MYT1L: variants seen among roughly 807,000 people sequenced by gnomAD.
MYT1L encodes the protein myelin transcription factor 1-like protein.
Under a neutral mutation model 126.7 loss-of-function variants are expected in MYT1L, and 12 were observed. The observed-to-expected ratio is 0.09, with a 90% CI of 0.06 to 0.15. The LOEUF (loss-of-function observed/expected upper bound fraction) is 0.15, where lower values mean the gene tolerates loss of function less well. Ranked by LOEUF, MYT1L falls within the 10% of genes least tolerant of loss-of-function variation. The pLI is 1.00. For synonymous variants in MYT1L, 541 were observed against 604.2 expected, an observed-to-expected ratio of 0.90 and a Z score of 1.53; for missense variants, 979 against 1,585.2, an observed-to-expected ratio of 0.62 and a Z score of 6.49.
chr2:2,099,948 A>G (rs1233676148), intron 3 of MYT1L, among the ~76,000 whole-genome samples: 1 of 152,182 alleles, frequency 6.6e-6, no homozygotes, highest in Non-Finnish European at 1.5e-5. Context: ...TGACAGAGAG[A>G]GCAGAATCTG....
chr2:2,211,381 C>T (rs1175867993), intron 2 of MYT1L, among the ~76,000 whole-genome samples: 3 of 152,028 alleles, frequency 2.0e-5, no homozygotes, highest in African/African-American at 4.8e-5. Context: ...ATTAATTTTG[C>T]TTTGAAGCAT....
chr2:2,072,117 C>A (rs2074671559), intron 3 of MYT1L, among the ~76,000 whole-genome samples: 4 of 152,180 alleles, frequency 2.6e-5, no homozygotes, highest in Admixed American at 2.6e-4. Flanking sequence ...ATTCAAATGA[C>A]CCCGTCTTTG....
chr2:1,866,294 C>T (rs2045455519), intron 18 of MYT1L, among the ~76,000 whole-genome samples: 1 of 152,130 alleles, frequency 6.6e-6, no homozygotes, highest in African/African-American at 2.4e-5. Flanking sequence ...GACAAAGGAT[C>T]AAGGCTCCAC....
At chr2:1,838,580 C>T (rs529495856) in intron 21 of MYT1L, among the ~76,000 whole-genome samples, 24 of 152,262 alleles carry the variant, frequency 1.6e-4, no homozygotes, top group African/African-American at 4.6e-4. Flanking sequence ...GGGTCCCATC[C>T]CAGGTCTTCA....
At chr2:2,289,892 C>G (rs752212199) in intron 1 of MYT1L, among the ~76,000 whole-genome samples, 1 of 152,238 alleles carries the variant, frequency 6.6e-6, no homozygotes, top group African/African-American at 2.4e-5. Flanking sequence ...GGCTTCACTT[C>G]AGCACTGGCA....
chr2:2,223,659 C>T (rs1297465589), intron 2 of MYT1L, among the ~76,000 whole-genome samples: 1 of 152,078 alleles, frequency 6.6e-6, no homozygotes, highest in African/African-American at 2.4e-5. Flanking sequence ...ACTTTATAGG[C>T]CAATTTTTGT....
At chr2:1,939,624 T>C (rs2056407731) in intron 9 of MYT1L, among the ~76,000 whole-genome samples, 1 of 152,250 alleles carries the variant, frequency 6.6e-6, no homozygotes, top group Admixed American at 6.5e-5. Flanking sequence ...AAACAGGAGA[T>C]GGGCTGATGT....
At chr2:2,159,796 C>A (rs376583545) in intron 3 of MYT1L, among the ~76,000 whole-genome samples, 8 of 152,210 alleles carry the variant, frequency 5.3e-5, no homozygotes, top group African/African-American at 1.9e-4. Flanking sequence ...TTGCCTAGTA[C>A]CTTTGCATTA....
chr2:2,120,762 G>A (rs2080876088), intron 3 of MYT1L, among the ~76,000 whole-genome samples: 1 of 152,054 alleles, frequency 6.6e-6, no homozygotes, highest in Non-Finnish European at 1.5e-5. Context: ...TCCCCACTCC[G>A]CACTGTGGAT....
chr2:2,266,913 A>G (rs2095144087), intron 2 of MYT1L, among the ~76,000 whole-genome samples: 1 of 152,186 alleles, frequency 6.6e-6, no homozygotes. Flanking sequence ...TGGAACTGTG[A>G]TTCCATTAAA....
chr2:1,796,046 AAAAC>A (rs2033418837), intron 23 of MYT1L, among the ~76,000 whole-genome samples: 1 of 152,268 alleles, frequency 6.6e-6, no homozygotes, highest in Non-Finnish European at 1.5e-5. Flanking sequence ...AAAAAAAACA[AAAAC>A]AAAAGAATAA....
intron 21 of MYT1L, among the ~76,000 whole-genome samples, chr2:1,812,221 G>A (rs988420355): frequency 1.3e-5 from 2 of 152,138 alleles, no homozygotes; most frequent in East Asian, 1.9e-4. Flanking sequence ...ATGCTCTAAC[G>A]CACATAAGAC....
chr2:2,090,941 G>T (rs554185539), intron 3 of MYT1L, among the ~76,000 whole-genome samples: 19 of 152,320 alleles, frequency 1.2e-4, no homozygotes, highest in Admixed American at 3.3e-4. Context: ...CAGCAATTCA[G>T]TCGCATCTTT....
intron 22 of MYT1L, among the ~76,000 whole-genome samples, chr2:1,807,802 T>A (rs1347863879): frequency 6.6e-6 from 1 of 152,134 alleles, no homozygotes; most frequent in Admixed American, 6.5e-5. Context: ...CCCATTTTTG[T>A]CAATCGATCA....
chr2:2,216,505 G>A lies in MYT1L; in HGVS notation c.-420-43517C>T, dbSNP rs1422734602. 3.3e-5 allele frequency among the ~76,000 whole-genome samples: 5 copies of A among 152,190 alleles called. 1 individual carries two copies. The highest frequency in any genetic ancestry group is 1.2e-4 in the African/African-American group (5 of 41,460). On this transcript the variant is annotated intron_variant, in intron 2 of 24. Coordinates refer to ENST00000647738, the MANE Select transcript of MYT1L (RefSeq NM_001303052.2). The stretch of plus-strand genomic sequence containing the variant: ...AGTTCCACCAGGTATCAATTTGCGG[G>A]AGGTTGGTGAAGCATTGTTCTGGGC...
At chr2:2,296,771 C>T (rs745400037) in intron 1 of MYT1L, among the ~76,000 whole-genome samples, 2 of 152,082 alleles carry the variant, frequency 1.3e-5, no homozygotes, top group African/African-American at 2.4e-5. Context: ...TGGATGGTCT[C>T]GGCCTGGAGA....
rs542855309 is a variant in MYT1L, at chr2:2,228,269, AC to A, written c.-420-55282del. Among the ~76,000 whole-genome samples the A allele has an allele frequency of 3.2e-4, 49 of 152,242 alleles. No homozygotes were observed. Among genetic ancestry groups the A allele is most frequent in the Admixed American group, 1.2e-3 (19 of 15,290 alleles). On this transcript the variant is annotated intron_variant, in intron 2 of 24. Transcript: ENST00000647738. The surrounding 1 kb of genome is among the most constrained non-coding windows in gnomAD (Gnocchi z 5.9). Reference sequence around the variant, plus strand: ...TTAGCTTCATAATTACCTTAAGAGCACAAAGATGCAAAAGTCCATCATATGA... The same window carrying A: ...TTAGCTTCATAATTACCTTAAGAGCAAAAGATGCAAAAGTCCATCATATGA...
intron 23 of MYT1L, among the ~76,000 whole-genome samples, chr2:1,798,389 C>T (rs1306721866): frequency 6.6e-6 from 1 of 152,224 alleles, no homozygotes; most frequent in Non-Finnish European, 1.5e-5. Context: ...CTGTGCAGGA[C>T]CCTCATCACC....
intron 2 of MYT1L, among the ~76,000 whole-genome samples, chr2:2,216,822 T>C (rs2093690607): frequency 6.6e-6 from 1 of 151,906 alleles, no homozygotes; most frequent in Non-Finnish European, 1.5e-5. Context: ...CAATTACCAA[T>C]GTCAGGAGTA....
Sources: allele counts gnomAD v4.1 joint callset (sites outside exome capture counted in the v4.1 genomes callset), GRCh38; gene constraint gnomAD v4.1.1; non-coding constraint Gnocchi (gnomAD v3.1); transcripts MANE v1.5; gene names NCBI Gene and HGNC (gene_info 2026-07-23, HGNC 2026-07-21).